Variants in CERS6 observed in about 807,000 individuals in gnomAD.
The protein encoded by CERS6 is LAG1 homolog, ceramide synthase 6.
Under a neutral mutation model 56.8 loss-of-function variants are expected in CERS6, and 26 were observed. That is an observed-to-expected ratio of 0.46 (90% CI 0.34 to 0.63). CERS6 has a LOEUF of 0.63. Ranked by LOEUF, CERS6 falls within the 30% of genes least tolerant of loss-of-function variation. The pLI is 0.01. For missense variants in CERS6, 415 were observed against 467.5 expected (o/e 0.89, Z 1.04); for synonymous variants, 164 against 173.3 (o/e 0.95, Z 0.42).
chr2:168,628,740 G>A (rs527894601), intron 3 of CERS6, among the ~76,000 whole-genome samples: 3 of 152,308 alleles, frequency 2.0e-5, no homozygotes, highest in Non-Finnish European at 2.9e-5. Flanking sequence ...AGGGTGATAT[G>A]CAGATGAAGA....
chr2:168,513,933 G>A (rs994900919), intron 1 of CERS6, among the ~76,000 whole-genome samples: 1 of 151,908 alleles, frequency 6.6e-6, no homozygotes, highest in Non-Finnish European at 1.5e-5. Context: ...CCTTCTCTTC[G>A]TCCCTATTCT....
At chr2:168,643,675 C>T (rs578162371) in intron 4 of CERS6, among the ~76,000 whole-genome samples, 9 of 152,152 alleles carry the variant, frequency 5.9e-5, no homozygotes, top group Admixed American at 2.0e-4. Context: ...CCTTTCCTTG[C>T]GTTTTTCGGC....
chr2:168,520,473 C>G (rs1051366383), intron 1 of CERS6, among the ~76,000 whole-genome samples: 2 of 151,318 alleles, frequency 1.3e-5, no homozygotes, highest in Non-Finnish European at 2.9e-5. Context: ...GTTGCGTTTG[C>G]TTTTGAAGAC....
At chr2:168,502,182 A>C (rs1478046455) in intron 1 of CERS6, among the ~76,000 whole-genome samples, 1 of 151,838 alleles carries the variant, frequency 6.6e-6, no homozygotes, top group Non-Finnish European at 1.5e-5. Context: ...TCTGGATTCC[A>C]ATGGGTCAGA....
chr2:168,653,794 A>G (rs1685402276), intron 4 of CERS6, among the ~76,000 whole-genome samples: 1 of 152,198 alleles, frequency 6.6e-6, no homozygotes, highest in Non-Finnish European at 1.5e-5. Flanking sequence ...GAACTTACAA[A>G]TCCCTGTCTT....
At position 168,581,412 on chromosome 2, in the gene CERS6, T is replaced by C. The variant is rs2084971; in HGVS notation, c.407+20090T>C. 5.0e-3 allele frequency among the ~76,000 whole-genome samples: 758 copies of C among 152,302 alleles called. 5 individuals are homozygous for C. Among genetic ancestry groups the C allele is most frequent in the African/African-American group, 0.017 (723 of 41,566 alleles). On this transcript the variant is annotated intron_variant, in intron 3 of 9. Transcript: ENST00000305747. ...CTCTCACTATTTTCGTTTTCTGTAATTACAGTTAAATGTATTTTAGATCCT... is the reference window on the plus strand; with the variant it reads ...CTCTCACTATTTTCGTTTTCTGTAACTACAGTTAAATGTATTTTAGATCCT...
intron 6 of CERS6, among the ~76,000 whole-genome samples, chr2:168,707,405 A>ACTC (rs1686984546): frequency 6.6e-6 from 1 of 152,134 alleles, no homozygotes; most frequent in African/African-American, 2.4e-5. Flanking sequence ...TCCTGCCAGG[A>ACTC]CTCCTCCACC....
At chr2:168,614,835 C>G (rs575649906) in intron 3 of CERS6, among the ~76,000 whole-genome samples, 2 of 152,202 alleles carry the variant, frequency 1.3e-5, no homozygotes, top group African/African-American at 4.8e-5. Flanking sequence ...GTTCTAGGTC[C>G]CCATCCACTG....
At chr2:168,631,478 TA>T (rs1559028056) in intron 4 of CERS6, among the ~76,000 whole-genome samples, 1 of 124,284 alleles carries the variant, frequency 8.0e-6, no homozygotes, top group African/African-American at 3.0e-5. Context: ...ATATATAATA[TA>T]TAATATATAA....
At chr2:168,612,376 G>T (rs1684211065) in intron 3 of CERS6, among the ~76,000 whole-genome samples, 1 of 152,194 alleles carries the variant, frequency 6.6e-6, no homozygotes, top group South Asian at 2.1e-4. Flanking sequence ...CTTAATGTTA[G>T]AACAATATCT....
chr2:168,496,384 C>T (rs567139727), intron 1 of CERS6, among the ~76,000 whole-genome samples: 1 of 150,092 alleles, frequency 6.7e-6, no homozygotes, highest in Admixed American at 6.6e-5. Flanking sequence ...GTATGTAAAA[C>T]AACTAAAGAT....
chr2:168,510,756 A>C (rs1414111338), intron 1 of CERS6, among the ~76,000 whole-genome samples: 1 of 152,270 alleles, frequency 6.6e-6, no homozygotes, highest in Admixed American at 6.5e-5. Context: ...TATCATTACT[A>C]TCATCTTGGC....
chr2:168,605,163 T>C (rs1684024052), intron 3 of CERS6, among the ~76,000 whole-genome samples: 3 of 152,186 alleles, frequency 2.0e-5, no homozygotes, highest in South Asian at 4.1e-4. Flanking sequence ...CTCAGACGGA[T>C]ATGAGGAACT....
intron 2 of CERS6, among the ~76,000 whole-genome samples, chr2:168,555,746 G>GTGTGTGTGTA (rs1386145139): frequency 2.0e-5 from 3 of 151,480 alleles, no homozygotes; most frequent in African/African-American, 7.3e-5. Flanking sequence ...GTGTGTGTGT[G>GTGTGTGTGTA]TGTGTGTGTG....
At chr2:168,524,543 G>T (rs1695037104) in intron 1 of CERS6, among the ~76,000 whole-genome samples, 1 of 152,088 alleles carries the variant, frequency 6.6e-6, no homozygotes, top group Non-Finnish European at 1.5e-5. Context: ...CTTTCAAAAA[G>T]GGGCATTTGT....
At chr2:168,532,286 G>T (rs957450382) in intron 1 of CERS6, among the ~76,000 whole-genome samples, 1 of 152,076 alleles carries the variant, frequency 6.6e-6, no homozygotes, top group Non-Finnish European at 1.5e-5. Context: ...TATGATTTTC[G>T]TTATGTAGAT....
At chr2:168,468,211 C>A (rs182767224) in intron 1 of CERS6, among the ~76,000 whole-genome samples, 1 of 152,138 alleles carries the variant, frequency 6.6e-6, no homozygotes, top group East Asian at 1.9e-4. Context: ...GAGAGAGACC[C>A]CCATCCCCAA....
chr2:168,528,792 G>A (rs557428338), intron 1 of CERS6, among the ~76,000 whole-genome samples: 2 of 152,300 alleles, frequency 1.3e-5, no homozygotes, highest in African/African-American at 4.8e-5. Flanking sequence ...AATAGGTTTG[G>A]GAGTACTACT....
In CERS6 at chr2:168,588,896, G is replaced by T. The variant is rs140660003; in HGVS notation, c.407+27574G>T. On this transcript the variant is annotated intron_variant, in intron 3 of 9. Transcript: ENST00000305747. ...TGGGACTACAGGCATGTGCCACCAC[G>T]CCTGGCCATTTTTTTGTATCTTTAG... Among the ~76,000 whole-genome samples, 419 of 152,246 alleles carry T rather than the reference G, an allele frequency of 2.8e-3. 4 individuals are homozygous for T. Among genetic ancestry groups the T allele is most frequent in the African/African-American group, 9.2e-3 (383 of 41,538 alleles).
Sources: allele counts gnomAD v4.1 joint callset (sites outside exome capture counted in the v4.1 genomes callset), GRCh38; gene constraint gnomAD v4.1.1; transcripts MANE v1.5; gene names NCBI Gene and HGNC (gene_info 2026-07-23, HGNC 2026-07-21).